The following KAT7 variants were observed in gnomAD, a reference collection of about 807,000 sequenced individuals.
The protein encoded by KAT7 is histone acetyltransferase KAT7.
In KAT7, 10 loss-of-function variants were observed where a neutral mutation model predicts 82.1. The observed-to-expected ratio is 0.12, with a 90% CI of 0.08 to 0.21. The LOEUF (loss-of-function observed/expected upper bound fraction) is 0.21, where lower values mean the gene tolerates loss of function less well. KAT7 is among the 10% of genes least tolerant of loss of function. The pLI is 1.00. For synonymous variants in KAT7, 250 were observed against 262.5 expected, an observed-to-expected ratio of 0.95 and a Z score of 0.46; for missense variants, 378 against 760.9, an observed-to-expected ratio of 0.50 and a Z score of 5.92.
At chr17:49,800,593 A>G (rs975427086) in intron 4 of KAT7, among the ~76,000 whole-genome samples, 6 of 152,150 alleles carry the variant, frequency 3.9e-5, no homozygotes, top group Admixed American at 3.9e-4. Context: ...ATGCATTGCT[A>G]AATTGTTAAT....
chr17:49,806,815 A>G (rs748139941), intron 5 of KAT7, among the ~76,000 whole-genome samples: 1 of 152,216 alleles, frequency 6.6e-6, no homozygotes, highest in Non-Finnish European at 1.5e-5. Flanking sequence ...TCTATCTTGA[A>G]TTTATCCTCT....
intron 1 of KAT7, 106 bp from the exon 2 acceptor site, chr17:49,791,780 T>C: frequency 8.9e-7 from 1 of 1,118,430 alleles, no homozygotes; most frequent in Non-Finnish European, 1.3e-6. Flanking sequence ...CTTATTTAGG[T>C]TTGAACTTGG....
intron 4 of KAT7, among the ~76,000 whole-genome samples, chr17:49,804,849 A>G (rs1487360719): frequency 1.3e-5 from 2 of 152,194 alleles, no homozygotes; most frequent in Non-Finnish European, 2.9e-5. Context: ...TAAGTATTTA[A>G]TCTGGTTTAA....
intron 2 of KAT7, among the ~76,000 whole-genome samples, chr17:49,795,127 AT>A (rs2073939668): frequency 6.6e-6 from 1 of 152,144 alleles, no homozygotes; most frequent in Non-Finnish European, 1.5e-5. Context: ...AAAATAAAAT[AT>A]ACTTTAGAGA....
intron 4 of KAT7, among the ~76,000 whole-genome samples, chr17:49,803,109 T>G (rs1036159853): frequency 1.3e-5 from 2 of 151,776 alleles, no homozygotes; most frequent in Non-Finnish European, 2.9e-5. Flanking sequence ...CCTCTAAAAT[T>G]GCATTTTTTT....
At chr17:49,820,670 G>T (rs1815797622) in intron 9 of KAT7, among the ~76,000 whole-genome samples, 1 of 151,898 alleles carries the variant, frequency 6.6e-6, no homozygotes, top group East Asian at 1.9e-4. Flanking sequence ...GCACTTGAGG[G>T]TGAGGAAAAG....
chr17:49,792,071 T>C, intron 2 of KAT7, 38 bp downstream of exon 2: 1 of 1,595,950 alleles, frequency 6.3e-7, no homozygotes, highest in Non-Finnish European at 8.6e-7. Context: ...ACTCCTCACA[T>C]CTGGCTGACT....
rs533984378 is a variant in KAT7, at chr17:49,833,133, ATGT to A, written c.*5636_*5638del. 431 of 152,344 alleles carry A rather than the reference ATGT, an allele frequency of 2.8e-3. 1 individual carries two copies. The highest frequency in any genetic ancestry group is 5.1e-3 in the Non-Finnish European group (344 of 68,024). The allele number at this position is 152,344 out of a possible 1,614,324, so 9.4% of individuals were successfully genotyped here. A position where few individuals can be genotyped will look rare whatever the true frequency, so the allele number is the denominator to read the frequency against. Reference sequence around the variant, plus strand: ...TGTGCAATACCTTTAAGTCCAGGTCATGTTGTTACCATTTGGGGGTTTGCGGAT... The same window carrying A: ...TGTGCAATACCTTTAAGTCCAGGTCATGTTACCATTTGGGGGTTTGCGGAT... On this transcript the variant is annotated 3_prime_UTR_variant, in exon 15 of 15. Transcript: ENST00000259021.
chr17:49,810,034 A>G (rs765249871), intron 6 of KAT7, among the ~76,000 whole-genome samples: 2 of 152,226 alleles, frequency 1.3e-5, no homozygotes, highest in Non-Finnish European at 2.9e-5. Flanking sequence ...AGCCAAACAG[A>G]TGTGAATTTG....
In KAT7 at chr17:49,827,478, A is replaced by T; in HGVS notation, c.1812A>T (p.Lys604Asn). Residue 604 changes from lysine to asparagine, a missense_variant, in exon 15 of 15, where the codon AAA (lysine) becomes AAT (asparagine). By Grantham distance (94) the Lys-to-Asn change is moderately conservative. Coordinates refer to ENST00000259021, the MANE Select transcript of KAT7 (RefSeq NM_007067.5). The part of the protein sequence containing the change: ...SNKTMDPSCL[K>N]WTPPKGT ...AAACCATGGATCCCAGCTGCTTAAA[A>T]TGGACCCCTCCCAAGGGCACTTAAA... The T allele has an allele frequency of 6.2e-7, 1 of 1,613,112 alleles. No individual in the cohort carries two copies. The highest frequency in any genetic ancestry group is 8.5e-7 in the Non-Finnish European group (1 of 1,179,118).
chr17:49,799,377 T>A (rs983270400), intron 4 of KAT7, among the ~76,000 whole-genome samples: 3 of 152,026 alleles, frequency 2.0e-5, no homozygotes, highest in African/African-American at 7.2e-5. Context: ...CTGTAGTGTG[T>A]TTTGTTTGTT....
intron 7 of KAT7, among the ~76,000 whole-genome samples, chr17:49,812,238 T>A (rs1445960081): frequency 6.7e-6 from 1 of 148,606 alleles, no homozygotes; most frequent in African/African-American, 2.5e-5. Context: ...AAAAATCTTT[T>A]TTTTTTTTTT....
intron 11 of KAT7, 141 bp from the exon 12 acceptor site, chr17:49,823,061 A>G (rs980092706): frequency 9.7e-5 from 59 of 608,104 alleles, no homozygotes; most frequent in Non-Finnish European, 6.2e-5. Context: ...TGTGGTTATA[A>G]CAGCTGTGAG....
chr17:49,825,595 TTTA>T lies in KAT7; in HGVS notation c.1481-401_1481-399del, dbSNP rs377415495. ...AGAGACAGACAACCTTCACATAACT[TTTA>T]TTACAGTATATTGTTATAATTGTTC... On this transcript the variant is annotated intron_variant, in intron 12 of 14. Transcript: ENST00000259021. Among the ~76,000 whole-genome samples, 760 of 152,354 alleles carry T rather than the reference TTTA, an allele frequency of 5.0e-3. 4 individuals carry two copies. The highest frequency in any genetic ancestry group is 0.01 in the African/African-American group (420 of 41,576).
At chr17:49,799,421 C>T (rs2073995271) in intron 4 of KAT7, among the ~76,000 whole-genome samples, 1 of 152,194 alleles carries the variant, frequency 6.6e-6, no homozygotes, top group Admixed American at 6.5e-5. Context: ...TGCTCTATTG[C>T]CCAGGCTGGA....
chr17:49,821,630 C>G lies in KAT7; in HGVS notation c.1246-20C>G. On this transcript the variant is annotated intron_variant, in intron 10 of 14. Transcript: ENST00000259021. ...TAGGAATCAGTGGCCCACACATGAA[C>G]TCTGTTTCTCTGCTTCCAGATCTAC... 1 of 1,612,414 alleles carries G rather than the reference C, an allele frequency of 6.2e-7. No homozygotes were observed. The highest frequency in any genetic ancestry group is 8.5e-7 in the Non-Finnish European group (1 of 1,179,912).
intron 4 of KAT7, among the ~76,000 whole-genome samples, chr17:49,804,463 T>C (rs967405839): frequency 1.3e-5 from 2 of 152,220 alleles, no homozygotes; most frequent in African/African-American, 4.8e-5. Context: ...TCCTAACATT[T>C]TTACGTCTTC....
At chr17:49,815,191 A>G (rs1291171574) in intron 7 of KAT7, 1 of 152,084 alleles carries the variant, frequency 6.6e-6, no homozygotes, top group Non-Finnish European at 1.5e-5. Context: ...AGTCCAGCCT[A>G]TTTTTCTGTG....
intron 3 of KAT7, 137 bp downstream of exon 3, chr17:49,797,063 T>G: frequency 1.5e-6 from 1 of 683,740 alleles, no homozygotes; most frequent in Non-Finnish European, 2.4e-6. Flanking sequence ...TCCTTTCTTA[T>G]GTCTTTTTTT....
Sources: allele counts gnomAD v4.1 joint callset (sites outside exome capture counted in the v4.1 genomes callset), GRCh38; gene constraint gnomAD v4.1.1; transcripts MANE v1.5; gene names NCBI Gene and HGNC (gene_info 2026-07-23, HGNC 2026-07-21).